YIPF7: variants seen among roughly 807,000 people sequenced by gnomAD.
The protein encoded by YIPF7 is protein YIPF7.
In YIPF7, 35 loss-of-function variants were observed where a neutral mutation model predicts 27.2. The ratio of observed to expected loss-of-function variants is 1.29; its 90% CI spans 0.98 to 1.70. The LOEUF (loss-of-function observed/expected upper bound fraction) is 1.70. YIPF7 is among the 40% of genes most tolerant of loss of function. The probability of loss-of-function intolerance (pLI) is 0.00; values close to 1 mark genes in which losing one functional copy is unlikely to be tolerated. For synonymous variants in YIPF7, 137 were observed against 110.4 expected (o/e 1.24, Z -1.51); for missense variants, 358 against 303.7 (o/e 1.18, Z -1.33).
At chr4:44,630,250 T>A (rs556812125) in intron 3 of YIPF7, among the ~76,000 whole-genome samples, 2 of 152,066 alleles carry the variant, frequency 1.3e-5, no homozygotes, top group African/African-American at 2.4e-5. Context: ...TTACAGACCT[T>A]AGCCACCACA....
chr4:44,634,246 T>C (rs1465326037), intron 3 of YIPF7, among the ~76,000 whole-genome samples: 3 of 152,200 alleles, frequency 2.0e-5, no homozygotes, highest in Admixed American at 6.5e-5. Context: ...GAAGTGCTCG[T>C]GACAGGCTGG....
intron 1 of YIPF7, among the ~76,000 whole-genome samples, 197 bp from the exon 2 acceptor site, chr4:44,650,298 T>A (rs1284474228): frequency 6.6e-6 from 1 of 152,206 alleles, no homozygotes; most frequent in Non-Finnish European, 1.5e-5. Context: ...GAATGTGTTA[T>A]CTTCAACTAC....
intron 3 of YIPF7, among the ~76,000 whole-genome samples, chr4:44,631,596 GA>G (rs1292386955): frequency 6.6e-6 from 1 of 151,594 alleles, no homozygotes; most frequent in Non-Finnish European, 1.5e-5. Context: ...TTTTAAGCTT[GA>G]AAAAAAATTG....
At chr4:44,644,610 AG>A (rs1713460280) in intron 2 of YIPF7, among the ~76,000 whole-genome samples, 1 of 152,194 alleles carries the variant, frequency 6.6e-6, no homozygotes, top group Non-Finnish European at 1.5e-5. Flanking sequence ...CATAGGCAGA[AG>A]GGAGTAGCCT....
At chr4:44,634,304 G>A (rs1284674022) in intron 3 of YIPF7, among the ~76,000 whole-genome samples, 1 of 152,132 alleles carries the variant, frequency 6.6e-6, no homozygotes, top group African/African-American at 2.4e-5. Flanking sequence ...AGGCTGAAGC[G>A]GGTGGATCAC....
At chr4:44,623,054 AG>A (rs1712497423) in intron 5 of YIPF7, among the ~76,000 whole-genome samples, 1 of 152,208 alleles carries the variant, frequency 6.6e-6, no homozygotes, top group African/African-American at 2.4e-5. Flanking sequence ...CGTCACAAAA[AG>A]CCTGACACAG....
upstream of YIPF7, among the ~76,000 whole-genome samples, chr4:44,653,851 CT>C (rs953318726): frequency 4.0e-5 from 6 of 151,694 alleles, no homozygotes; most frequent in Admixed American, 2.6e-4. Flanking sequence ...ATGGTACATT[CT>C]TTTTTTTGAC....
chr4:44,645,013 G>A (rs1488474260), intron 2 of YIPF7, among the ~76,000 whole-genome samples: 1 of 152,092 alleles, frequency 6.6e-6, no homozygotes, highest in Admixed American at 6.5e-5. Context: ...CTTCTGCCAA[G>A]AGTAAAAGCT....
chr4:44,628,317 A>G (rs543350816), intron 4 of YIPF7, among the ~76,000 whole-genome samples: 1 of 152,290 alleles, frequency 6.6e-6, no homozygotes, highest in East Asian at 1.9e-4. Context: ...CTAGATTGCT[A>G]TCAGTATTTT....
chr4:44,644,696 GA>G (rs1713463306), intron 2 of YIPF7, among the ~76,000 whole-genome samples: 1 of 152,122 alleles, frequency 6.6e-6, no homozygotes, highest in South Asian at 2.1e-4. Flanking sequence ...GAACTGTTGG[GA>G]AGGCTTAATT....
At chr4:44,636,844 T>C (rs1226555272) in intron 2 of YIPF7, among the ~76,000 whole-genome samples, 2 of 152,126 alleles carry the variant, frequency 1.3e-5, no homozygotes, top group East Asian at 3.9e-4. Context: ...GCTTTTAGGG[T>C]ATCCAAAACC....
rs564690222 is a variant in YIPF7, at chr4:44,649,983, A to C, written c.116+2T>G. 2 of 1,450,972 alleles carry C rather than the reference A, an allele frequency of 1.4e-6. No individual in the cohort carries two copies. The highest frequency in any genetic ancestry group is 4.8e-5 in the East Asian group (2 of 41,426). The allele number at this position is 1,450,972 out of a possible 1,614,324, so 89.9% of individuals were successfully genotyped here. A position where few individuals can be genotyped will look rare whatever the true frequency, so the allele number is the denominator to read the frequency against. ...AAAAAAAGAAAAATATTAAGTACTT[A>C]CTTTCTAGATCCATAAAGATTTCCA... On this transcript the variant is annotated splice_donor_variant, in intron 2 of 5. Transcript: ENST00000415895. LOFTEE classifies it high-confidence loss of function.
chr4:44,624,781 G>T lies in YIPF7; in HGVS notation c.428C>A (p.Ala143Glu). 1.9e-6 allele frequency: 3 copies of T among 1,605,338 alleles called. No individual in the cohort carries two copies. The highest frequency in any genetic ancestry group is 2.2e-5 in the East Asian group (1 of 44,680). ...CACATAACCAAACTGAACTTTTCCT[G>T]CCTGAAACGACGTGAAGAAAAAACA... Reference protein sequence around the residue: ...CVALGATLLLAGKVQFGYVYG... With the variant: ...CVALGATLLLEGKVQFGYVYG... The change falls in exon 5 of 6, where the codon GCA becomes GAA. Residue 143 changes from alanine to glutamate, a missense_variant and splice_region_variant. Physicochemically the swap from Ala to Glu is moderately radical, Grantham distance 107. Transcript: ENST00000415895.
chr4:44,654,562 A>G (rs1713833020), upstream of YIPF7, among the ~76,000 whole-genome samples: 1 of 151,844 alleles, frequency 6.6e-6, no homozygotes. Context: ...TATATAGACA[A>G]TTCCCAAAGT....
chr4:44,631,498 C>T (rs1034138480), intron 3 of YIPF7, among the ~76,000 whole-genome samples: 5 of 152,010 alleles, frequency 3.3e-5, no homozygotes, highest in Admixed American at 2.6e-4. Flanking sequence ...ATTCTAACAA[C>T]TCAGAAACTT....
intron 2 of YIPF7, among the ~76,000 whole-genome samples, chr4:44,647,294 G>A (rs752220513): frequency 1.3e-5 from 2 of 152,244 alleles, no homozygotes; most frequent in South Asian, 2.1e-4. Flanking sequence ...GGGGTGGGTG[G>A]ATAAAGCCGC....
chr4:44,637,760 C>T (rs78451148), intron 2 of YIPF7, among the ~76,000 whole-genome samples: 7,930 of 152,156 alleles, frequency 0.052, 269 homozygotes, highest in East Asian at 0.15. Context: ...TCCTTTCTCT[C>T]GAGTCCCCAA....
upstream of YIPF7, among the ~76,000 whole-genome samples, chr4:44,652,101 T>G (rs1339752551): frequency 6.6e-6 from 1 of 152,212 alleles, no homozygotes; most frequent in African/African-American, 2.4e-5. Flanking sequence ...ACTTTTTTCC[T>G]GCTTCCTACT....
chr4:44,661,116 T>G (rs1372571325), intron 1 of YIPF7, among the ~76,000 whole-genome samples: 1 of 152,176 alleles, frequency 6.6e-6, no homozygotes, highest in Non-Finnish European at 1.5e-5. Context: ...ACAGAATAGT[T>G]TTCCAACCTT....
Sources: allele counts gnomAD v4.1 joint callset (sites outside exome capture counted in the v4.1 genomes callset), GRCh38; gene constraint gnomAD v4.1.1; transcripts MANE v1.5; gene names NCBI Gene and HGNC (gene_info 2026-07-23, HGNC 2026-07-21).